Variants in MACROD2 observed in about 807,000 individuals in gnomAD.
MACROD2 encodes mono-ADP ribosylhydrolase 2, also known as ADP-ribose glycohydrolase MACROD2.
MACROD2 carries 36 observed loss-of-function variants against 70.4 expected under a neutral mutation model. The ratio of observed to expected loss-of-function variants is 0.51; its 90% CI spans 0.39 to 0.68. The LOEUF is 0.68. Ranked by LOEUF, MACROD2 falls within the 30% of genes least tolerant of loss-of-function variation. The pLI, the probability that MACROD2 is intolerant of heterozygous loss-of-function variation, is 0.00. For synonymous variants in MACROD2, 172 were observed against 178.8 expected, an observed-to-expected ratio of 0.96 and a Z score of 0.30; for missense variants, 496 against 538.4, an observed-to-expected ratio of 0.92 and a Z score of 0.78.
At chr20:15,861,647 A>C (rs1427535495) in intron 8 of MACROD2, among the ~76,000 whole-genome samples, 1 of 152,198 alleles carries the variant, frequency 6.6e-6, no homozygotes, top group Non-Finnish European at 1.5e-5. Flanking sequence ...TAAGGAGCCA[A>C]ATCTCTGGTC....
At chr20:15,361,898 C>T (rs2078355652) in intron 6 of MACROD2, among the ~76,000 whole-genome samples, 1 of 151,710 alleles carries the variant, frequency 6.6e-6, no homozygotes, top group Non-Finnish European at 1.5e-5. Context: ...TTTTGTTACT[C>T]TTGTATCTTG....
intron 5 of MACROD2, among the ~76,000 whole-genome samples, chr20:14,901,976 T>A (rs1264247585): frequency 6.6e-6 from 1 of 152,130 alleles, no homozygotes; most frequent in Non-Finnish European, 1.5e-5. Context: ...AAAATTGGTA[T>A]AAAATTTATA....
chr20:15,151,158 G>A (rs1444167355), intron 5 of MACROD2, among the ~76,000 whole-genome samples: 1 of 152,074 alleles, frequency 6.6e-6, no homozygotes, highest in Non-Finnish European at 1.5e-5. Context: ...AGTTCCAGGG[G>A]GCTCTGGGAG....
intron 8 of MACROD2, among the ~76,000 whole-genome samples, chr20:15,674,490 C>T (rs2050027584): frequency 6.6e-6 from 1 of 152,018 alleles, no homozygotes. Context: ...TTAGAAGCCC[C>T]TTACTAAGCC....
chr20:15,661,036 T>A (rs966405947), intron 8 of MACROD2, among the ~76,000 whole-genome samples: 2 of 152,200 alleles, frequency 1.3e-5, no homozygotes, highest in African/African-American at 4.8e-5. Context: ...GACACCAGAT[T>A]CCAACTGGTC....
chr20:14,737,633 A>G (rs1430944726), intron 5 of MACROD2, among the ~76,000 whole-genome samples: 2 of 152,160 alleles, frequency 1.3e-5, no homozygotes, highest in African/African-American at 4.8e-5. Flanking sequence ...CTGACTGTTT[A>G]ATGATCACCA....
At chr20:14,751,703 A>C (rs1422630488) in intron 5 of MACROD2, among the ~76,000 whole-genome samples, 1 of 152,142 alleles carries the variant, frequency 6.6e-6, no homozygotes, top group African/African-American at 2.4e-5. Context: ...GAGCAGAAGC[A>C]CAAGAGGGCA....
At chr20:15,807,897 A>G (rs2063783441) in intron 8 of MACROD2, among the ~76,000 whole-genome samples, 1 of 152,150 alleles carries the variant, frequency 6.6e-6, no homozygotes, top group Admixed American at 6.5e-5. Flanking sequence ...AAAAGGCAGA[A>G]GTGAAATCCA....
In MACROD2 at chr20:14,808,459, A is replaced by T. The variant is rs929652287; in HGVS notation, c.418+123500A>T. ...GCACTAAATATGGAAAGGAAAAACC[A>T]GTACCAGCCACTGCAAAAACAACCC... On this transcript the variant is annotated intron_variant, in intron 5 of 17. Coordinates refer to ENST00000684519, the MANE Select transcript of MACROD2 (RefSeq NM_001351661.2). Among the ~76,000 whole-genome samples the T allele has an allele frequency of 5.9e-5, 9 of 152,056 alleles. No individual in the cohort carries two copies. The East Asian group carries it at 1.2e-3, about 20-fold the overall frequency.
intron 5 of MACROD2, among the ~76,000 whole-genome samples, chr20:15,214,735 T>G (rs1443293172): frequency 1.3e-5 from 2 of 152,206 alleles, no homozygotes; most frequent in Non-Finnish European, 2.9e-5. Flanking sequence ...ATTCACTTAT[T>G]CTGTTAAAGA....
At chr20:15,540,396 G>T (rs1387409997) in intron 8 of MACROD2, among the ~76,000 whole-genome samples, 1 of 152,190 alleles carries the variant, frequency 6.6e-6, no homozygotes, top group Non-Finnish European at 1.5e-5. Flanking sequence ...AGGATAGTTT[G>T]GATGGTGAGG....
intron 8 of MACROD2, among the ~76,000 whole-genome samples, chr20:15,785,812 T>C (rs1354136456): frequency 1.3e-5 from 2 of 151,976 alleles, no homozygotes; most frequent in East Asian, 3.9e-4. Flanking sequence ...ACCCTAACTT[T>C]AAAAATCAAT....
intron 4 of MACROD2, among the ~76,000 whole-genome samples, chr20:14,590,197 T>TA (rs1981671031): frequency 6.6e-6 from 1 of 152,174 alleles, no homozygotes; most frequent in African/African-American, 2.4e-5. Flanking sequence ...GTGACACTGT[T>TA]AATAATTCAT....
chr20:15,953,416 C>G (rs1207198255), intron 12 of MACROD2, among the ~76,000 whole-genome samples: 2 of 152,080 alleles, frequency 1.3e-5, no homozygotes, highest in Non-Finnish European at 2.9e-5. Context: ...GATGGATATG[C>G]TAATTACCCC....
chr20:14,663,144 A>G (rs145799876), intron 4 of MACROD2, among the ~76,000 whole-genome samples: 15 of 152,246 alleles, frequency 9.9e-5, no homozygotes, highest in Non-Finnish European at 1.6e-4. Flanking sequence ...ATGGAATACT[A>G]TGCAGCCATA....
intron 3 of MACROD2, among the ~76,000 whole-genome samples, chr20:14,394,589 A>T (rs899369794): frequency 2.6e-5 from 4 of 151,764 alleles, no homozygotes; most frequent in African/African-American, 7.3e-5. Context: ...TTAGTGTCTT[A>T]TATTGCCTTA....
At chr20:15,531,769 A>G (rs1015038864) in intron 8 of MACROD2, among the ~76,000 whole-genome samples, 1 of 152,072 alleles carries the variant, frequency 6.6e-6, no homozygotes, top group African/African-American at 2.4e-5. Context: ...TTTCTATCTG[A>G]CAGAAGAATA....
chr20:16,031,218 G>C (rs2067147285), intron 15 of MACROD2, among the ~76,000 whole-genome samples: 1 of 151,996 alleles, frequency 6.6e-6, no homozygotes, highest in African/African-American at 2.4e-5. Context: ...GATGACAAAA[G>C]ACAGGGAGGA....
chr20:14,290,737 G>A (rs1402484202), intron 3 of MACROD2, among the ~76,000 whole-genome samples: 3 of 152,138 alleles, frequency 2.0e-5, no homozygotes, highest in African/African-American at 7.2e-5. Flanking sequence ...TCGAACTCCC[G>A]ACCTCAGTTG....
Sources: gnomAD v4.1 joint callset for allele counts (sites outside exome capture counted in the v4.1 genomes callset) on GRCh38, gnomAD v4.1.1 for gene constraint, MANE v1.5 for transcripts, NCBI Gene and HGNC (gene_info 2026-07-23, HGNC 2026-07-21) for gene names.